CPEB4: variants seen among roughly 807,000 people sequenced by gnomAD.
CPEB4 encodes cytoplasmic polyadenylation element binding protein 4, also known as cytoplasmic polyadenylation element-binding protein 4.
Under a neutral mutation model 72.5 loss-of-function variants are expected in CPEB4, and 12 were observed. The ratio of observed to expected loss-of-function variants is 0.17; its 90% CI spans 0.11 to 0.27. The LOEUF is 0.27. Ranked by LOEUF, CPEB4 falls within the 10% of genes least tolerant of loss-of-function variation. CPEB4 has a pLI of 1.00. For synonymous variants in CPEB4, 302 were observed against 326.3 expected (o/e 0.93, Z 0.80); for missense variants, 614 against 908.5 (o/e 0.68, Z 4.17).
At chr5:173,902,876 G>C (rs1237351338) in intron 1 of CPEB4, among the ~76,000 whole-genome samples, 1 of 152,174 alleles carries the variant, frequency 6.6e-6, no homozygotes, top group Non-Finnish European at 1.5e-5. Context: ...AAAGGGACCA[G>C]TATATACTAT....
Position 173,955,382 on chromosome 5 carries a change from C to A in CPEB4, c.1963-528C>A, listed in dbSNP as rs1290240656. ...AGAGTTCCAGGTTTGTGATTATAAC[C>A]CAACATGTGTACACTATAAATAGAA... On this transcript the variant is annotated intron_variant, in intron 9 of 9. Coordinates refer to ENST00000265085, the MANE Select transcript of CPEB4 (RefSeq NM_030627.4). This position sits in a 1 kb window ranked among gnomAD's most constrained non-coding sequence, Gnocchi z 4.7. Among the ~76,000 whole-genome samples the A allele has an allele frequency of 6.6e-6, 1 of 151,570 alleles. No homozygotes were observed. Among genetic ancestry groups the A allele is most frequent in the Non-Finnish European group, 1.5e-5 (1 of 67,974 alleles).
chr5:173,952,919 T>G (rs1388790046), intron 8 of CPEB4, among the ~76,000 whole-genome samples, 172 bp from the exon 9 acceptor site: 1 of 152,138 alleles, frequency 6.6e-6, no homozygotes, highest in Non-Finnish European at 1.5e-5. Flanking sequence ...TGCCCACAAT[T>G]AAAAGATTAA....
intron 1 of CPEB4, among the ~76,000 whole-genome samples, chr5:173,901,521 A>G (rs758839248): frequency 7.9e-5 from 12 of 152,216 alleles, no homozygotes; most frequent in Non-Finnish European, 1.3e-4. Flanking sequence ...CAGGCCACGT[A>G]TATATAGTGA....
chr5:173,950,159 G>A lies in CPEB4; in HGVS notation c.1665+81G>A. 1 of 800,060 alleles carries A rather than the reference G, an allele frequency of 1.2e-6. No individual in the cohort carries two copies. Among genetic ancestry groups the A allele is most frequent in the Non-Finnish European group, 2.1e-6 (1 of 486,186 alleles). 49.6% of individuals were successfully genotyped at this position (800,060 alleles called of 1,614,324 possible). A position where few individuals can be genotyped will look rare whatever the true frequency, so the allele number is the denominator to read the frequency against. ...TATTTGAAAAACCCATAGACAACTTGATGTGTTTGGGGTACTTAATTGACA... is the reference window on the plus strand; with the variant it reads ...TATTTGAAAAACCCATAGACAACTTAATGTGTTTGGGGTACTTAATTGACA... On this transcript the variant is annotated intron_variant, in intron 7 of 9. Coordinates refer to ENST00000265085, the MANE Select transcript of CPEB4 (RefSeq NM_030627.4). The surrounding 1 kb of genome is among the most constrained non-coding windows in gnomAD (Gnocchi z 5.0).
At chr5:173,937,450 T>C (rs1380302155) in intron 3 of CPEB4, among the ~76,000 whole-genome samples, 1 of 152,188 alleles carries the variant, frequency 6.6e-6, no homozygotes, top group African/African-American at 2.4e-5. Flanking sequence ...AAGAGAAATG[T>C]AGATGATGAT....
At chr5:173,936,556 A>G (rs887990900) in intron 3 of CPEB4, among the ~76,000 whole-genome samples, 1 of 152,200 alleles carries the variant, frequency 6.6e-6, no homozygotes, top group African/African-American at 2.4e-5. Flanking sequence ...GCCTTATACT[A>G]GTAAATTTCA....
intron 1 of CPEB4, among the ~76,000 whole-genome samples, chr5:173,897,230 T>C (rs1019779571): frequency 6.6e-6 from 1 of 152,244 alleles, no homozygotes; most frequent in Non-Finnish European, 1.5e-5. Context: ...ATTGACAGCC[T>C]GTTTCTTTCA....
chr5:173,951,397 G>A (rs1434566545), intron 7 of CPEB4, among the ~76,000 whole-genome samples: 1 of 152,128 alleles, frequency 6.6e-6, no homozygotes, highest in East Asian at 1.9e-4. Context: ...ATAGTATCAG[G>A]AGTAGTTTGC....
intron 2 of CPEB4, among the ~76,000 whole-genome samples, chr5:173,929,632 C>T (rs572070070): frequency 1.1e-3 from 173 of 152,030 alleles, no homozygotes; most frequent in Middle Eastern, 6.8e-3. Context: ...CCTGGGAGGT[C>T]GAGGCTGGAG....
chr5:173,952,558 A>G (rs1758247789), intron 8 of CPEB4, among the ~76,000 whole-genome samples: 1 of 152,254 alleles, frequency 6.6e-6, no homozygotes, highest in African/African-American at 2.4e-5. Flanking sequence ...CTTCATAAAG[A>G]AGAAAATGCA....
In CPEB4 at chr5:173,932,381, C is replaced by T. The variant is rs559787032; in HGVS notation, c.1208-69C>T. 1.4e-4 allele frequency: 164 copies of T among 1,205,606 alleles called. 1 individual carries two copies. In the South Asian group the frequency reaches 2.1e-3, roughly 15 times the overall value. The allele number at this position is 1,205,606 out of a possible 1,614,324, so 74.7% of individuals were successfully genotyped here. A position where few individuals can be genotyped will look rare whatever the true frequency, so the allele number is the denominator to read the frequency against. On this transcript the variant is annotated intron_variant, in intron 2 of 9. Transcript: ENST00000265085. ...TATTTGAAAGCAAGTCAATTCAGCT[C>T]TGTTATTGAATAAGTTTAAACCATC...
At chr5:173,907,954 A>G (rs537163547) in intron 1 of CPEB4, among the ~76,000 whole-genome samples, 1 of 152,324 alleles carries the variant, frequency 6.6e-6, no homozygotes, top group Admixed American at 6.5e-5. Flanking sequence ...CAGTCAGAGG[A>G]CACAGCCAAG....
chr5:173,893,036 T>TGTGTGTGAGAGA (rs55993382), intron 1 of CPEB4: 1 of 100,922 alleles, frequency 9.9e-6, no homozygotes, highest in Non-Finnish European at 2.4e-5. Context: ...TGTGTGTGTG[T>TGTGTGTGAGAGA]GAGAGAGAGA....
chr5:173,932,409 T>A (rs759833666), intron 2 of CPEB4, 41 bp from the exon 3 acceptor site: 3 of 1,542,830 alleles, frequency 1.9e-6, no homozygotes, highest in Non-Finnish European at 2.7e-6. Context: ...AAACCATCTA[T>A]GAAAAAAGTA....
Position 173,888,444 on chromosome 5 carries a change from A to G in CPEB4, c.-1290A>G. ...CGGCGGCGGCGGCAGCAGCGGCGACAGCAGAGGAGGAAGAGGAGGAAGAAG... is the reference window on the plus strand; with the variant it reads ...CGGCGGCGGCGGCAGCAGCGGCGACGGCAGAGGAGGAAGAGGAGGAAGAAG... On this transcript the variant is annotated 5_prime_UTR_variant, in exon 1 of 10. Coordinates refer to ENST00000265085, the MANE Select transcript of CPEB4 (RefSeq NM_030627.4). The surrounding 1 kb of genome is among the most constrained non-coding windows in gnomAD (Gnocchi z 4.3). 2.2e-6 allele frequency: 1 copy of G among 455,722 alleles called. No individual in the cohort carries two copies. Among genetic ancestry groups the G allele is most frequent in the Non-Finnish European group, 3.8e-6 (1 of 264,642 alleles). 28.2% of individuals were successfully genotyped at this position (455,722 alleles called of 1,614,324 possible). A position where few individuals can be genotyped will look rare whatever the true frequency, so the allele number is the denominator to read the frequency against.
At chr5:173,933,406 G>A (rs970082522) in intron 3 of CPEB4, among the ~76,000 whole-genome samples, 14 of 152,186 alleles carry the variant, frequency 9.2e-5, no homozygotes, top group African/African-American at 3.4e-4. Flanking sequence ...AAATCAATAT[G>A]TTGAAGGATT....
chr5:173,892,148 A>G (rs943680982), intron 1 of CPEB4, among the ~76,000 whole-genome samples: 3 of 152,184 alleles, frequency 2.0e-5, no homozygotes, highest in African/African-American at 7.2e-5. Context: ...ATCTGTTTTA[A>G]TTAGTAATTG....
chr5:173,928,691 C>A (rs778903026), intron 2 of CPEB4, among the ~76,000 whole-genome samples: 1 of 151,974 alleles, frequency 6.6e-6, no homozygotes, highest in Non-Finnish European at 1.5e-5. Flanking sequence ...GATATTAGAA[C>A]AGAAATAAAG....
At chr5:173,918,242 C>CTTCT (rs1158677855) in intron 2 of CPEB4, 1 of 152,192 alleles carries the variant, frequency 6.6e-6, no homozygotes, top group Non-Finnish European at 1.5e-5. Context: ...GGGACCTGGG[C>CTTCT]TTCTGTGTTG....
Sources: allele counts gnomAD v4.1 joint callset (sites outside exome capture counted in the v4.1 genomes callset), GRCh38; gene constraint gnomAD v4.1.1; non-coding constraint Gnocchi (gnomAD v3.1); transcripts MANE v1.5; gene names NCBI Gene and HGNC (gene_info 2026-07-23, HGNC 2026-07-21).